LRP1B: variants seen among roughly 807,000 people sequenced by gnomAD.
LRP1B encodes low-density lipoprotein receptor-related protein 1B.
In LRP1B, 217 loss-of-function variants were observed where a neutral mutation model predicts 556.6. The observed-to-expected ratio is 0.39, with a 90% CI of 0.35 to 0.44. LRP1B has a LOEUF of 0.44. LRP1B is among the 20% of genes least tolerant of loss of function. The probability of loss-of-function intolerance (pLI) is 1.00; values close to 1 mark genes in which losing one functional copy is unlikely to be tolerated. For missense variants in LRP1B, 5,053 were observed against 5,620.8 expected (o/e 0.90, Z 3.23); for synonymous variants, 2,047 against 1,865.8 (o/e 1.10, Z -2.50).
At chr2:140,302,813 G>T (rs1683890691) in intron 83 of LRP1B, among the ~76,000 whole-genome samples, 1 of 151,850 alleles carries the variant, frequency 6.6e-6, no homozygotes, top group Non-Finnish European at 1.5e-5. Flanking sequence ...CACCTGAATT[G>T]CTTCCTCCTC....
chr2:142,010,029 T>C (rs1258723566), intron 1 of LRP1B, among the ~76,000 whole-genome samples: 1 of 152,170 alleles, frequency 6.6e-6, no homozygotes, highest in Non-Finnish European at 1.5e-5. Flanking sequence ...TATAATCATA[T>C]AGGTTGTATA....
At chr2:141,498,823 G>A (rs1416527776) in intron 2 of LRP1B, among the ~76,000 whole-genome samples, 1 of 152,004 alleles carries the variant, frequency 6.6e-6, no homozygotes, top group African/African-American at 2.4e-5. Context: ...TTCTATCTTT[G>A]AGTAGGAAAT....
chr2:140,250,875 T>A (rs1210306509), intron 86 of LRP1B, among the ~76,000 whole-genome samples: 1 of 151,906 alleles, frequency 6.6e-6, no homozygotes, highest in East Asian at 1.9e-4. Flanking sequence ...TCATTCAATG[T>A]CTTATTGTGA....
chr2:140,558,213 C>A (rs796544428), intron 43 of LRP1B, among the ~76,000 whole-genome samples: 23 of 152,174 alleles, frequency 1.5e-4, no homozygotes, highest in African/African-American at 5.5e-4. Context: ...CACAGTGCCT[C>A]AAATGGTTAA....
chr2:141,243,953 C>G (rs1031448237), intron 5 of LRP1B, among the ~76,000 whole-genome samples: 1 of 152,132 alleles, frequency 6.6e-6, no homozygotes, highest in Non-Finnish European at 1.5e-5. Flanking sequence ...GAATTTTACT[C>G]GGGTTCAGGT....
At chr2:141,232,257 G>A (rs1683498976) in intron 5 of LRP1B, among the ~76,000 whole-genome samples, 1 of 152,138 alleles carries the variant, frequency 6.6e-6, no homozygotes, top group Non-Finnish European at 1.5e-5. Flanking sequence ...AGATTTCTCA[G>A]GTGATAGTAA....
chr2:141,119,107 T>C (rs916998883), intron 7 of LRP1B, among the ~76,000 whole-genome samples: 1 of 151,946 alleles, frequency 6.6e-6, no homozygotes, highest in Admixed American at 6.6e-5. Flanking sequence ...TTTACACTCA[T>C]TGTCTTCCTG....
chr2:141,505,128 T>C (rs13421306), intron 2 of LRP1B, among the ~76,000 whole-genome samples: 125,834 of 151,464 alleles, frequency 0.83, 52,608 homozygotes, highest in East Asian at 0.97. Context: ...CCTCTCTCTC[T>C]TCCCCTCCCC....
intron 19 of LRP1B, among the ~76,000 whole-genome samples, chr2:140,951,270 T>C (rs1265119305): frequency 6.6e-6 from 1 of 152,136 alleles, no homozygotes; most frequent in African/African-American, 2.4e-5. Flanking sequence ...TTGTACAGTA[T>C]CATTAGAAAT....
chr2:141,465,563 A>G (rs1682157762), intron 3 of LRP1B, among the ~76,000 whole-genome samples: 1 of 87,982 alleles, frequency 1.1e-5, no homozygotes, highest in Non-Finnish European at 2.7e-5. Flanking sequence ...TTTTTTTGAG[A>G]CAAGGTGACA....
chr2:140,473,277 C>T (rs535469285), intron 60 of LRP1B, among the ~76,000 whole-genome samples: 8 of 151,952 alleles, frequency 5.3e-5, no homozygotes, highest in Non-Finnish European at 1.2e-4. Flanking sequence ...TCTGAGAAAA[C>T]CTTCAGGAGA....
intron 11 of LRP1B, among the ~76,000 whole-genome samples, chr2:141,022,057 T>G: frequency 6.6e-6 from 1 of 151,840 alleles, no homozygotes; most frequent in Admixed American, 6.6e-5. Flanking sequence ...AATATTTTCT[T>G]GCATTTTTAC....
chr2:141,843,686 A>G (rs185746763), intron 1 of LRP1B, among the ~76,000 whole-genome samples: 2 of 152,278 alleles, frequency 1.3e-5, no homozygotes, highest in African/African-American at 2.4e-5. Context: ...TGGTATAGAG[A>G]CAGCCTGGAC....
intron 3 of LRP1B, among the ~76,000 whole-genome samples, chr2:141,314,247 A>T (rs899357269): frequency 9.2e-5 from 14 of 152,166 alleles, no homozygotes; most frequent in African/African-American, 3.4e-4. Context: ...ACTTTCCCTA[A>T]GACTTTTGTC....
intron 2 of LRP1B, among the ~76,000 whole-genome samples, chr2:141,718,199 G>A (rs759419789): frequency 7.2e-5 from 11 of 152,172 alleles, no homozygotes; most frequent in Admixed American, 6.5e-5. Flanking sequence ...TCCATTGACA[G>A]CAAACTTATA....
chr2:140,419,173 A>G (rs1685328480), intron 66 of LRP1B, among the ~76,000 whole-genome samples: 1 of 152,178 alleles, frequency 6.6e-6, no homozygotes, highest in Admixed American at 6.5e-5. Context: ...CAATCATATC[A>G]AAGTAGATAT....
chr2:140,494,364 T>C (rs111501862), intron 56 of LRP1B, among the ~76,000 whole-genome samples: 7,595 of 152,146 alleles, frequency 0.05, 234 homozygotes, highest in African/African-American at 0.057. Flanking sequence ...ATTAAGATGG[T>C]CTGAAGCAAG....
intron 23 of LRP1B, among the ~76,000 whole-genome samples, chr2:140,887,925 TG>T (rs74314032): frequency 1.3e-5 from 2 of 152,120 alleles, no homozygotes; most frequent in East Asian, 3.8e-4. Context: ...CAAATGGGCA[TG>T]GGGTTTGTTT....
intron 1 of LRP1B, among the ~76,000 whole-genome samples, chr2:142,035,048 A>G (rs1703832656): frequency 6.6e-6 from 1 of 151,908 alleles, no homozygotes; most frequent in Admixed American, 6.6e-5. Flanking sequence ...GGTATACTGT[A>G]CTATTCCTTT....
Sources: allele counts gnomAD v4.1 joint callset (sites outside exome capture counted in the v4.1 genomes callset), GRCh38; gene constraint gnomAD v4.1.1; transcripts MANE v1.5; gene names NCBI Gene and HGNC (gene_info 2026-07-23, HGNC 2026-07-21).